MED12L: variants seen among roughly 807,000 people sequenced by gnomAD.
MED12L encodes mediator of RNA polymerase II transcription subunit 12-like protein.
MED12L carries 60 observed loss-of-function variants against 281.3 expected under a neutral mutation model. The observed-to-expected ratio is 0.21, with a 90% CI of 0.17 to 0.26. The LOEUF is 0.26. Ranked by LOEUF, MED12L falls within the 10% of genes least tolerant of loss-of-function variation. MED12L has a pLI of 1.00. For synonymous variants in MED12L, 974 were observed against 987.2 expected (o/e 0.99, Z 0.25); for missense variants, 2,146 against 2,680.9 (o/e 0.80, Z 4.41).
intron 5 of MED12L, among the ~76,000 whole-genome samples, chr3:151,131,199 A>C (rs1031251795): frequency 1.3e-5 from 2 of 152,174 alleles, no homozygotes; most frequent in African/African-American, 2.4e-5. Context: ...TGTTCTTGTC[A>C]GTGTTTTTCC....
At chr3:151,162,948 A>T (rs1458847468) in intron 8 of MED12L, among the ~76,000 whole-genome samples, 1 of 152,200 alleles carries the variant, frequency 6.6e-6, no homozygotes, top group Non-Finnish European at 1.5e-5. Flanking sequence ...CATAGGGTTA[A>T]GGTTATGATG....
intron 5 of MED12L, among the ~76,000 whole-genome samples, chr3:151,137,169 AAAG>A: frequency 7.4e-6 from 1 of 134,838 alleles, no homozygotes; most frequent in Non-Finnish European, 1.6e-5. Flanking sequence ...TCAAAAAAAA[AAAG>A]AAAAAAAAAA....
intron 16 of MED12L, chr3:151,294,407 A>G: frequency 1.9e-6 from 3 of 1,614,174 alleles, no homozygotes; most frequent in Non-Finnish European, 2.5e-6. Flanking sequence ...AAGCCTGTCT[A>G]AGTGACTAAA....
At chr3:151,266,425 G>A (rs769972231) in intron 16 of MED12L, among the ~76,000 whole-genome samples, 1 of 152,180 alleles carries the variant, frequency 6.6e-6, no homozygotes. Context: ...AGTGTTGAGC[G>A]AACGGACTTA....
At chr3:151,206,966 A>C (rs1726463981) in intron 16 of MED12L, among the ~76,000 whole-genome samples, 1 of 151,684 alleles carries the variant, frequency 6.6e-6, no homozygotes, top group Non-Finnish European at 1.5e-5. Context: ...TTTTCAAAGC[A>C]CAGAACACAT....
At chr3:151,415,936 A>G (rs556172105) in intron 42 of MED12L, among the ~76,000 whole-genome samples, 60 of 152,372 alleles carry the variant, frequency 3.9e-4, no homozygotes, top group African/African-American at 1.4e-3. Flanking sequence ...GAGGATTACT[A>G]CTGAGCAGTC....
At chr3:151,246,203 A>G (rs1336152687) in intron 16 of MED12L, among the ~76,000 whole-genome samples, 2 of 152,198 alleles carry the variant, frequency 1.3e-5, no homozygotes, top group African/African-American at 2.4e-5. Context: ...GCTCAAGGTA[A>G]TTTATAGATT....
chr3:151,334,196 C>CTT (rs71138494), intron 16 of MED12L, among the ~76,000 whole-genome samples: 1 of 118,230 alleles, frequency 8.5e-6, no homozygotes, highest in Non-Finnish European at 1.7e-5. Flanking sequence ...TTCTTTCTTT[C>CTT]TTTTTTTTTT....
chr3:151,145,406 C>T (rs747754319), intron 5 of MED12L, among the ~76,000 whole-genome samples: 8 of 152,202 alleles, frequency 5.3e-5, no homozygotes, highest in African/African-American at 9.7e-5. Flanking sequence ...TGGTAATGTT[C>T]GCTACATTTG....
intron 39 of MED12L, among the ~76,000 whole-genome samples, chr3:151,407,220 G>A (rs557426557): frequency 1.3e-5 from 2 of 152,270 alleles, no homozygotes; most frequent in African/African-American, 4.8e-5. Flanking sequence ...AAGTCATAAT[G>A]TGTTTCATAA....
chr3:151,089,143 G>A (rs1443157912), intron 2 of MED12L, among the ~76,000 whole-genome samples: 1 of 152,014 alleles, frequency 6.6e-6, no homozygotes, highest in East Asian at 1.9e-4. Context: ...TGTGTTTCCT[G>A]GGCAGTACTA....
chr3:151,247,667 C>T (rs933119764), intron 16 of MED12L, among the ~76,000 whole-genome samples: 5 of 143,742 alleles, frequency 3.5e-5, no homozygotes, highest in Admixed American at 2.9e-4. Context: ...TGCTAGATGA[C>T]GAGTTAGTGG....
At chr3:151,383,688 T>TA (rs908284744) in intron 33 of MED12L, 91 bp from the exon 34 acceptor site, 9 of 778,112 alleles carry the variant, frequency 1.2e-5, no homozygotes, top group South Asian at 5.6e-5. Flanking sequence ...TTTTTTTAAA[T>TA]AAAAAACAAT....
chr3:151,313,917 C>T (rs567735589), intron 16 of MED12L, among the ~76,000 whole-genome samples: 2 of 116,748 alleles, frequency 1.7e-5, no homozygotes, highest in South Asian at 2.9e-4. Flanking sequence ...AGCGAGACTC[C>T]GTCTCAAAAA....
intron 16 of MED12L, chr3:151,213,978 C>T: frequency 6.2e-7 from 1 of 1,614,014 alleles, no homozygotes; most frequent in Non-Finnish European, 8.5e-7. Context: ...AGCTGATGAG[C>T]CCAAAGAACA....
chr3:151,268,195 C>T (rs1333410923), intron 16 of MED12L, among the ~76,000 whole-genome samples: 1 of 151,866 alleles, frequency 6.6e-6, no homozygotes, highest in African/African-American at 2.4e-5. Flanking sequence ...AAAATAATGC[C>T]AGTGTTTTAG....
chr3:151,113,202 GTGGTCAGGTCAT>G (rs1712193401), intron 2 of MED12L, among the ~76,000 whole-genome samples: 1 of 152,156 alleles, frequency 6.6e-6, no homozygotes, highest in Non-Finnish European at 1.5e-5. Context: ...AAAAGTTAAG[GTGGTCAGGTCAT>G]TGACCATGTG....
At chr3:151,261,703 T>C (rs1738924643) in intron 16 of MED12L, among the ~76,000 whole-genome samples, 1 of 151,150 alleles carries the variant, frequency 6.6e-6, no homozygotes, top group Non-Finnish European at 1.5e-5. Flanking sequence ...TTTTGTTTTG[T>C]TTTGTTTTGT....
intron 5 of MED12L, among the ~76,000 whole-genome samples, chr3:151,139,933 C>T (rs552463492): frequency 1.9e-4 from 29 of 152,160 alleles, no homozygotes; most frequent in African/African-American, 6.8e-4. Context: ...TAAGCCTAAT[C>T]GCAGTCCCAA....
Sources: gnomAD v4.1 joint callset for allele counts (sites outside exome capture counted in the v4.1 genomes callset) on GRCh38, gnomAD v4.1.1 for gene constraint, MANE v1.5 for transcripts, NCBI Gene and HGNC (gene_info 2026-07-23, HGNC 2026-07-21) for gene names.